Variants in LARP1B observed in about 807,000 individuals in gnomAD.
LARP1B encodes the protein La ribonucleoprotein 1B.
Under a neutral mutation model 114.2 loss-of-function variants are expected in LARP1B, and 76 were observed. The ratio of observed to expected loss-of-function variants is 0.67; its 90% CI spans 0.55 to 0.81. The LOEUF (loss-of-function observed/expected upper bound fraction) is 0.81, where lower values mean the gene tolerates loss of function less well. Ranked by LOEUF, LARP1B falls within the 30% of genes least tolerant of loss-of-function variation. LARP1B has a pLI of 0.00. For missense variants in LARP1B, 1,014 were observed against 1,075.8 expected (o/e 0.94, Z 0.80); for synonymous variants, 345 against 348.0 (o/e 0.99, Z 0.10).
intron 11 of LARP1B, among the ~76,000 whole-genome samples, chr4:128,157,194 TAATC>T (rs758305084): frequency 2.6e-5 from 4 of 152,094 alleles, no homozygotes; most frequent in African/African-American, 7.2e-5. Flanking sequence ...CTTTAAAAAA[TAATC>T]AAGTGGAAAT....
At chr4:128,158,551 T>C (rs1736907922) in intron 11 of LARP1B, among the ~76,000 whole-genome samples, 1 of 152,082 alleles carries the variant, frequency 6.6e-6, no homozygotes, top group African/African-American at 2.4e-5. Flanking sequence ...TAAAGAACTC[T>C]TACAAATCAA....
At chr4:128,148,861 A>G in intron 11 of LARP1B, among the ~76,000 whole-genome samples, 1 of 152,214 alleles carries the variant, frequency 6.6e-6, no homozygotes, top group East Asian at 1.9e-4. Context: ...TCCTGACCTC[A>G]AGTAATCCAC....
intron 5 of LARP1B, among the ~76,000 whole-genome samples, chr4:128,084,811 C>T (rs887796820): frequency 6.6e-5 from 10 of 152,040 alleles, no homozygotes; most frequent in Non-Finnish European, 8.8e-5. Context: ...TTGATTACCC[C>T]TGTAACTTTA....
At chr4:128,160,563 G>C (rs1738008180) in intron 11 of LARP1B, among the ~76,000 whole-genome samples, 1 of 151,906 alleles carries the variant, frequency 6.6e-6, no homozygotes, top group Admixed American at 6.6e-5. Context: ...TAATGAATTA[G>C]TTAAAAATAA....
At chr4:128,158,115 G>A (rs1736672038) in intron 11 of LARP1B, among the ~76,000 whole-genome samples, 1 of 152,122 alleles carries the variant, frequency 6.6e-6, no homozygotes, top group Non-Finnish European at 1.5e-5. Context: ...CATTGCCTTA[G>A]AAGATATAAT....
chr4:128,195,818 T>G (rs928746472), intron 15 of LARP1B, among the ~76,000 whole-genome samples: 5 of 152,184 alleles, frequency 3.3e-5, no homozygotes, highest in Non-Finnish European at 5.9e-5. Flanking sequence ...AAAAGTTGAT[T>G]CTTTGAAGAG....
At chr4:128,152,265 G>A (rs1055686226) in intron 11 of LARP1B, among the ~76,000 whole-genome samples, 22 of 149,670 alleles carry the variant, frequency 1.5e-4, no homozygotes, top group South Asian at 8.4e-4. Context: ...GTGCAGTGGC[G>A]CAATCTCGGC....
At chr4:128,126,807 TTTTTG>T (rs1204095705) in intron 11 of LARP1B, among the ~76,000 whole-genome samples, 2 of 125,378 alleles carry the variant, frequency 1.6e-5, no homozygotes, top group African/African-American at 5.3e-5. Flanking sequence ...TTTTTATTTG[TTTTTG>T]TTTTTTTTTT....
chr4:128,142,755 G>A (rs1376229972), intron 11 of LARP1B, among the ~76,000 whole-genome samples: 1 of 151,790 alleles, frequency 6.6e-6, no homozygotes, highest in Non-Finnish European at 1.5e-5. Flanking sequence ...TGATCTGCCC[G>A]CCTTGGCCTA....
At position 128,152,264 on chromosome 4, in the gene LARP1B, C is replaced by T. The variant is rs534146543; in HGVS notation, c.1525-9930C>T. Reference sequence around the variant, plus strand: ...CTGTCCCCAGGCTGGAGTGCAGTGGCGCAATCTCGGCTCACTGAAACCTCC... The same window carrying T: ...CTGTCCCCAGGCTGGAGTGCAGTGGTGCAATCTCGGCTCACTGAAACCTCC... On this transcript the variant is annotated intron_variant, in intron 11 of 19. Coordinates refer to ENST00000326639, the MANE Select transcript of LARP1B (RefSeq NM_018078.4). Among the ~76,000 whole-genome samples, 32 of 145,820 alleles carry T rather than the reference C, an allele frequency of 2.2e-4. 1 individual carries two copies. In the South Asian group the frequency reaches 4.5e-3, roughly 21 times the overall value.
chr4:128,067,855 G>A (rs1043445056), intron 1 of LARP1B, among the ~76,000 whole-genome samples: 3 of 151,812 alleles, frequency 2.0e-5, no homozygotes, highest in African/African-American at 4.8e-5. Flanking sequence ...GATTACAGGC[G>A]CTCGCCACCA....
chr4:128,094,948 A>G (rs1777363666), intron 7 of LARP1B, among the ~76,000 whole-genome samples: 1 of 151,900 alleles, frequency 6.6e-6, no homozygotes, highest in South Asian at 2.1e-4. Context: ...TCGGGGTTCC[A>G]CCATGTTGGT....
At chr4:128,114,415 C>G (rs780381508) in intron 9 of LARP1B, among the ~76,000 whole-genome samples, 155 bp from the exon 10 acceptor site, 1 of 152,044 alleles carries the variant, frequency 6.6e-6, no homozygotes, top group Non-Finnish European at 1.5e-5. Flanking sequence ...TCTTATGAGC[C>G]CTTCAGGTTT....
intron 8 of LARP1B, among the ~76,000 whole-genome samples, chr4:128,106,652 T>A (rs1782197106): frequency 6.6e-6 from 1 of 151,848 alleles, no homozygotes; most frequent in Non-Finnish European, 1.5e-5. Context: ...GATCTTTGAT[T>A]AAGTTTATTT....
At chr4:128,152,972 CCT>C in intron 11 of LARP1B, among the ~76,000 whole-genome samples, 1 of 132,226 alleles carries the variant, frequency 7.6e-6, no homozygotes, top group African/African-American at 2.8e-5. Context: ...TTTTGGTTTG[CCT>C]TTTTTTTTTT....
intron 10 of LARP1B, among the ~76,000 whole-genome samples, chr4:128,121,077 G>C (rs1436268697): frequency 1.3e-5 from 2 of 152,076 alleles, no homozygotes; most frequent in Non-Finnish European, 2.9e-5. Flanking sequence ...CCAAAGTGCT[G>C]GGATTATAGG....
In LARP1B at chr4:128,139,455, C is replaced by T. The variant is rs141518207; in HGVS notation, c.1524+17267C>T. Among the ~76,000 whole-genome samples the T allele has an allele frequency of 1.2e-3, 186 of 152,028 alleles. 1 individual carries two copies. Among genetic ancestry groups the T allele is most frequent in the African/African-American group, 4.2e-3 (174 of 41,470 alleles). The stretch of plus-strand genomic sequence containing the variant: ...CTGTAGTGTGTGATGATCACAGCTG[C>T]GATGTAGTGTGCACCTGTGAATGGC... On this transcript the variant is annotated intron_variant, in intron 11 of 19. Coordinates refer to ENST00000326639, the MANE Select transcript of LARP1B (RefSeq NM_018078.4).
At chr4:128,194,919 A>G (rs1753598739) in intron 15 of LARP1B, among the ~76,000 whole-genome samples, 1 of 151,964 alleles carries the variant, frequency 6.6e-6, no homozygotes, top group African/African-American at 2.4e-5. Flanking sequence ...CTCTTCATGA[A>G]TGTTCATCTT....
At chr4:128,178,136 GA>G (rs1747048266) in intron 13 of LARP1B, among the ~76,000 whole-genome samples, 1 of 150,298 alleles carries the variant, frequency 6.7e-6, no homozygotes, top group Non-Finnish European at 1.5e-5. Flanking sequence ...TCCAATTTAA[GA>G]GGCTAGTTAT....
Sources: gnomAD v4.1 joint callset for allele counts (sites outside exome capture counted in the v4.1 genomes callset) on GRCh38, gnomAD v4.1.1 for gene constraint, MANE v1.5 for transcripts, NCBI Gene and HGNC (gene_info 2026-07-23, HGNC 2026-07-21) for gene names.